SMPDL3B: variants seen among roughly 807,000 people sequenced by gnomAD.
SMPDL3B encodes acid sphingomyelinase-like phosphodiesterase 3b.
In SMPDL3B, 31 loss-of-function variants were observed where a neutral mutation model predicts 37.9. The observed-to-expected ratio is 0.82, with a 90% CI of 0.61 to 1.10. SMPDL3B has a LOEUF of 1.10. Ranked by LOEUF, SMPDL3B falls within the 50% of genes least tolerant of loss-of-function variation. The pLI, the probability that SMPDL3B is intolerant of heterozygous loss-of-function variation, is 0.00. For synonymous variants in SMPDL3B, 235 were observed against 242.6 expected (o/e 0.97, Z 0.29); for missense variants, 525 against 597.8 (o/e 0.88, Z 1.27).
rs2090399158 is a variant in SMPDL3B at position 27,945,453 on chromosome 1, C to T, written c.275+8C>T. 39 of 1,611,474 alleles carry T rather than the reference C, an allele frequency of 2.4e-5. No individual in the cohort carries two copies. Among genetic ancestry groups the T allele is most frequent in the Non-Finnish European group, 3.3e-5 (39 of 1,177,770 alleles). ...CTTCATTCTCTGGACTGGGTGAGTA[C>T]AGTTGAGGTGGCAGCTACCCTTTGC... is the stretch of plus-strand genomic sequence containing the variant. On this transcript the variant is annotated splice_region_variant and intron_variant, in intron 2 of 7. Transcript: ENST00000373894. This position sits in a 1 kb window ranked among gnomAD's most constrained non-coding sequence, Gnocchi z 4.0.
rs149764386 is a variant in SMPDL3B at position 27,956,049 on chromosome 1, G to A, written c.972G>A (p.Val324=). The change falls in exon 7 of 8, where the codon GTG becomes GTA. Residue 324 remains valine, a synonymous_variant. Coordinates refer to ENST00000373894, the MANE Select transcript of SMPDL3B (RefSeq NM_014474.4). ...GGGCCAACAATCCAGCCATCCGGGT[G>A]TTCGAATATGACCGAGCCACACTGA... ...VNGANNPAIR[V]FEYDRATLSL... 6.2e-7 allele frequency: 1 copy of A among 1,614,154 alleles called. No individual in the cohort carries two copies. The highest frequency in any genetic ancestry group is 8.5e-7 in the Non-Finnish European group (1 of 1,180,026).
intron 4 of SMPDL3B, 80 bp from the exon 5 acceptor site, chr1:27,954,274 T>C (rs1045503061): frequency 1.9e-5 from 25 of 1,298,050 alleles, no homozygotes; most frequent in Non-Finnish European, 2.6e-5. Context: ...AAAAAGAAAG[T>C]GGGACATTGA....
chr1:27,944,222 C>T (rs2090385197), intron 1 of SMPDL3B, among the ~76,000 whole-genome samples: 1 of 152,114 alleles, frequency 6.6e-6, no homozygotes, highest in South Asian at 2.1e-4. Context: ...GCTTGAGCCA[C>T]ACCTTGGATC....
chr1:27,956,246 C>G (rs1638271568), intron 7 of SMPDL3B, 164 bp downstream of exon 7: 1 of 1,555,270 alleles, frequency 6.4e-7, no homozygotes, highest in Admixed American at 1.8e-5. Flanking sequence ...CTGGAGGCAC[C>G]TGCCACCGAG....
chr1:27,956,256 G>A lies in SMPDL3B; in HGVS notation c.1005+174G>A, dbSNP rs150684886. ...GAACCCTGGAGGCACCTGCCACCGA[G>A]TCAGGGCAGTGCCTCACCAAGTCAC... On this transcript the variant is annotated intron_variant, in intron 7 of 7. Coordinates refer to ENST00000373894, the MANE Select transcript of SMPDL3B (RefSeq NM_014474.4). 84 of 1,545,092 alleles carry A rather than the reference G, an allele frequency of 5.4e-5. No homozygotes were observed. In the East Asian group the frequency reaches 1.9e-3, roughly 34 times the overall value.
Position 27,938,321 on chromosome 1 carries a change from C to T in SMPDL3B, c.61+3077C>T, listed in dbSNP as rs149751281. On this transcript the variant is annotated intron_variant, in intron 1 of 7. Coordinates refer to ENST00000373894, the MANE Select transcript of SMPDL3B (RefSeq NM_014474.4). Reference sequence around the variant, plus strand: ...TAGATGAGGAAACTAAGGCTCAGCTCTGAAAATCCCTTGCTTAAGTTGCCA... The same window carrying T: ...TAGATGAGGAAACTAAGGCTCAGCTTTGAAAATCCCTTGCTTAAGTTGCCA... Among the ~76,000 whole-genome samples, 254 of 152,356 alleles carry T rather than the reference C, an allele frequency of 1.7e-3. 1 individual carries two copies. The highest frequency in any genetic ancestry group is 5.9e-3 in the African/African-American group (247 of 41,584).
intron 2 of SMPDL3B, among the ~76,000 whole-genome samples, chr1:27,947,038 A>AT (rs35543061): frequency 0.079 from 11,181 of 142,064 alleles, 480 homozygotes; most frequent in Non-Finnish European, 0.092. Context: ...ACAGATGCAC[A>AT]TTTTTTTTTT....
At chr1:27,949,967 G>T (rs2090442736) in intron 3 of SMPDL3B, among the ~76,000 whole-genome samples, 1 of 152,170 alleles carries the variant, frequency 6.6e-6, no homozygotes, top group Non-Finnish European at 1.5e-5. Flanking sequence ...GGTCAGGCTG[G>T]CTCTAAGAAT....
At chr1:27,940,584 ACTCC>A in intron 1 of SMPDL3B, among the ~76,000 whole-genome samples, 1 of 151,912 alleles carries the variant, frequency 6.6e-6, no homozygotes, top group South Asian at 2.1e-4. Flanking sequence ...GTGCAGTAGG[ACTCC>A]CTCCCAGGTC....
At position 27,952,424 on chromosome 1, in the gene SMPDL3B, C is replaced by T. The variant is rs79216465; in HGVS notation, c.374-791C>T. ...AGACTAAGCTCATATAAGGGCCCAG[C>T]CCTGTTCTGAGTCCAAGAGTTATTT... On this transcript the variant is annotated intron_variant, in intron 3 of 7. Transcript: ENST00000373894. Among the ~76,000 whole-genome samples the T allele has an allele frequency of 2.8e-3, 430 of 152,302 alleles. 3 individuals carry two copies. The highest frequency in any genetic ancestry group is 9.8e-3 in the African/African-American group (406 of 41,554).
intron 1 of SMPDL3B, among the ~76,000 whole-genome samples, chr1:27,935,466 G>A (rs2090299203): frequency 6.6e-6 from 1 of 152,166 alleles, no homozygotes; most frequent in African/African-American, 2.4e-5. Context: ...CCGACATTGC[G>A]AAGAGGTCTG....
intron 1 of SMPDL3B, chr1:27,942,199 A>C (rs2090365264): frequency 7.0e-6 from 3 of 427,330 alleles, no homozygotes; most frequent in Admixed American, 5.7e-5. Flanking sequence ...CAAAGGGGCC[A>C]AACTGCTCAG....
At chr1:27,950,359 G>A (rs1040914581) in intron 3 of SMPDL3B, among the ~76,000 whole-genome samples, 6 of 152,206 alleles carry the variant, frequency 3.9e-5, no homozygotes, top group Non-Finnish European at 8.8e-5. Context: ...GGTTCCGAGG[G>A]AGGGACTCAA....
At chr1:27,937,824 G>C (rs1233982981) in intron 1 of SMPDL3B, among the ~76,000 whole-genome samples, 1 of 152,172 alleles carries the variant, frequency 6.6e-6, no homozygotes, top group Admixed American at 6.5e-5. Flanking sequence ...TCCAGAGGCA[G>C]GGCTTTGACA....
chr1:27,947,915 C>A (rs1043576605), intron 2 of SMPDL3B, among the ~76,000 whole-genome samples: 1 of 152,084 alleles, frequency 6.6e-6, no homozygotes, highest in Non-Finnish European at 1.5e-5. Flanking sequence ...ATTAGATTCT[C>A]TAACCTAGAA....
chr1:27,958,817 C>T lies in SMPDL3B; in HGVS notation c.1347C>T (p.Gly449=). 3.7e-6 allele frequency: 6 copies of T among 1,601,786 alleles called. No homozygotes were observed. Among genetic ancestry groups the T allele is most frequent in the Non-Finnish European group, 4.3e-6 (5 of 1,172,608 alleles). The change falls in exon 8 of 8, where the codon GGC becomes GGT. Residue 449 remains glycine (G), a synonymous_variant. Transcript: ENST00000373894. The surrounding 1 kb of genome is among the most constrained non-coding windows in gnomAD (Gnocchi z 5.6). Reference sequence around the variant, plus strand: ...CGCTGCTGCTGATGGCCCTGCTGGGCCTGTGCACGCTCGTGCTGTGACCTG... The same window carrying T: ...CGCTGCTGCTGATGGCCCTGCTGGGTCTGTGCACGCTCGTGCTGTGACCTG... ...QLPLLLMALL[G]LCTLVL is the part of the protein sequence containing the mutation.
intron 2 of SMPDL3B, among the ~76,000 whole-genome samples, chr1:27,948,326 G>C (rs1023839690): frequency 1.3e-5 from 2 of 152,182 alleles, no homozygotes; most frequent in South Asian, 2.1e-4. Flanking sequence ...CAGCCGGTGT[G>C]AGCTTCTAGC....
intron 1 of SMPDL3B, among the ~76,000 whole-genome samples, chr1:27,936,999 C>T (rs1253548754): frequency 2.0e-5 from 3 of 150,228 alleles, no homozygotes; most frequent in African/African-American, 2.4e-5. Flanking sequence ...CCAGCCTGGG[C>T]GACAGAGTGA....
intron 1 of SMPDL3B, among the ~76,000 whole-genome samples, chr1:27,942,734 G>A (rs1571650246): frequency 1.3e-5 from 2 of 151,920 alleles, no homozygotes; most frequent in African/African-American, 4.8e-5. Context: ...CACAATCTCG[G>A]CTCACTGCAA....
Sources: gnomAD v4.1 joint callset for allele counts (sites outside exome capture counted in the v4.1 genomes callset) on GRCh38, gnomAD v4.1.1 for gene constraint, Gnocchi (gnomAD v3.1) non-coding constraint, MANE v1.5 for transcripts, NCBI Gene and HGNC (gene_info 2026-07-23, HGNC 2026-07-21) for gene names.